Variants in GFPT1 observed in about 807,000 individuals in gnomAD.
GFPT1 encodes glutamine--fructose-6-phosphate aminotransferase [isomerizing] 1.
GFPT1 carries 40 observed loss-of-function variants against 92.0 expected under a neutral mutation model. The observed-to-expected ratio is 0.43, with a 90% CI of 0.34 to 0.57. The LOEUF (loss-of-function observed/expected upper bound fraction) is 0.57. Ranked by LOEUF, GFPT1 falls within the 20% of genes least tolerant of loss-of-function variation. The pLI, the probability that GFPT1 is intolerant of heterozygous loss-of-function variation, is 0.02. For synonymous variants in GFPT1, 269 were observed against 280.6 expected, an observed-to-expected ratio of 0.96 and a Z score of 0.41; for missense variants, 448 against 869.1, an observed-to-expected ratio of 0.52 and a Z score of 6.09.
At position 69,375,413 on chromosome 2, in the gene GFPT1, T is replaced by C. The variant is rs375662413; in HGVS notation, c.8-1300A>G. ...GTGATCCTACTGAAATATTTCAGTA[T>C]ACAAAAATGGCACATTGTTGATACC... is the stretch of plus-strand genomic sequence containing the variant. On this transcript the variant is annotated intron_variant, in intron 1 of 19. Transcript: ENST00000357308. Among the ~76,000 whole-genome samples the C allele has an allele frequency of 1.2e-3, 177 of 152,310 alleles. 1 individual carries two copies. The highest frequency in any genetic ancestry group is 3.8e-3 in the African/African-American group (160 of 41,570).
chr2:69,354,317 G>C lies in GFPT1; in HGVS notation c.686-5C>G. 3 of 1,588,234 alleles carry C rather than the reference G, an allele frequency of 1.9e-6. No individual in the cohort carries two copies. Among genetic ancestry groups the C allele is most frequent in the South Asian group, 1.1e-5 (1 of 89,736 alleles). On this transcript the variant is annotated splice_polypyrimidine_tract_variant and splice_region_variant and intron_variant, in intron 8 of 19. Transcript: ENST00000357308. ...TTGATCCAATCTGAGTCCTAGCTAA[G>C]GATACACAACAGAAAAAAATTCTAA...
At position 69,338,045 on chromosome 2, in the gene GFPT1, T is replaced by C. The variant is rs2104616321; in HGVS notation, c.1335A>G (p.Ala445=). The C allele has an allele frequency of 6.8e-6, 11 of 1,614,136 alleles. No individual in the cohort carries two copies. In the South Asian group the frequency reaches 1.1e-4, roughly 16 times the overall value. ...CFFLSQSGET[A]DTLMGLRYCK... is the part of the protein sequence containing the mutation. ...AGTAACGAAGACCCATCAAAGTATC[T>C]GCTGTCTCACCTGTGTAAAAAGTAG... is the stretch of plus-strand genomic sequence containing the variant. The change falls in exon 15 of 20, where the codon GCA becomes GCG. Residue 445 remains alanine, a synonymous_variant. Coordinates refer to ENST00000357308, the MANE Select transcript of GFPT1 (RefSeq NM_001244710.2).
chr2:69,325,914 C>A lies in GFPT1; in HGVS notation c.*275G>T. Reference sequence around the variant, plus strand: ...AAGTGGAGGGTCCAGAAATGCAACACCCAGCATTCTTTAAAGAAAATAATA... The same window carrying A: ...AAGTGGAGGGTCCAGAAATGCAACAACCAGCATTCTTTAAAGAAAATAATA... On this transcript the variant is annotated 3_prime_UTR_variant, in exon 20 of 20. Transcript: ENST00000357308. The A allele has an allele frequency of 2.7e-6, 1 of 371,124 alleles. No individual in the cohort carries two copies. Among genetic ancestry groups the A allele is most frequent in the African/African-American group, 2.1e-5 (1 of 47,956 alleles). 23.0% of individuals were successfully genotyped at this position (371,124 alleles called of 1,614,324 possible).
intron 1 of GFPT1, among the ~76,000 whole-genome samples, chr2:69,386,027 TA>T (rs370310082): frequency 0.078 from 10,925 of 140,268 alleles, 555 homozygotes; most frequent in African/African-American, 0.15. Context: ...TACTTCCCTT[TA>T]AAAAAAAAAA....
intron 11 of GFPT1, among the ~76,000 whole-genome samples, chr2:69,346,917 T>C (rs1671095909): frequency 6.6e-6 from 1 of 151,688 alleles, no homozygotes; most frequent in Non-Finnish European, 1.5e-5. Flanking sequence ...TTGTTTTGTT[T>C]TGTTTTGTTT....
intron 1 of GFPT1, among the ~76,000 whole-genome samples, chr2:69,380,404 G>A (rs370722281): frequency 1.8e-4 from 27 of 152,246 alleles, no homozygotes; most frequent in African/African-American, 6.0e-4. Context: ...AACATATGGA[G>A]TGAAACAATT....
chr2:69,329,334 C>T lies in GFPT1; in HGVS notation c.1688G>A (p.Arg563Gln). Residue 563 changes from arginine (R) to glutamine (Q), a missense_variant, in exon 17 of 20, where the codon CGA (arginine) becomes CAA (glutamine). Arg to Gln is a conservative substitution (Grantham distance 43). Transcript: ENST00000357308. ...AAGACAAGTAGCATAATGATAGCCTCGTCCCATTATCAGAACTGACTTCTG... is the reference window on the plus strand; with the variant it reads ...AAGACAAGTAGCATAATGATAGCCTTGTCCCATTATCAGAACTGACTTCTG... The part of the protein sequence containing the change: ...YHQKSVLIMG[R>Q]GYHYATCLEG... The T allele has an allele frequency of 6.2e-7, 1 of 1,613,094 alleles. No homozygotes were observed. Among genetic ancestry groups the T allele is most frequent in the Non-Finnish European group, 8.5e-7 (1 of 1,179,064 alleles).
intron 1 of GFPT1, among the ~76,000 whole-genome samples, chr2:69,380,340 T>A (rs1233359152): frequency 6.6e-6 from 1 of 152,044 alleles, no homozygotes; most frequent in Non-Finnish European, 1.5e-5. Flanking sequence ...AGACTCTGTC[T>A]CAAAAAAATA....
intron 16 of GFPT1, 123 bp from the exon 17 acceptor site, chr2:69,329,547 T>C: frequency 1.0e-6 from 1 of 955,382 alleles, no homozygotes; most frequent in Non-Finnish European, 1.7e-6. Flanking sequence ...TATGGGTATT[T>C]TTTTAATACA....
At chr2:69,383,609 T>C (rs1280174284) in intron 1 of GFPT1, among the ~76,000 whole-genome samples, 1 of 152,170 alleles carries the variant, frequency 6.6e-6, no homozygotes, top group African/African-American at 2.4e-5. Context: ...TCCATTTATT[T>C]ATTTATTTAT....
chr2:69,346,106 A>C, intron 11 of GFPT1, 107 bp from the exon 12 acceptor site: 1 of 726,764 alleles, frequency 1.4e-6, no homozygotes, highest in Non-Finnish European at 2.5e-6. Flanking sequence ...AAAATATAAC[A>C]AAAGTTCATG....
chr2:69,349,626 C>A (rs1558750854), intron 10 of GFPT1, among the ~76,000 whole-genome samples: 8 of 152,184 alleles, frequency 5.3e-5, no homozygotes, highest in Admixed American at 3.9e-4. Flanking sequence ...TAGTCTACTA[C>A]TATCCCTTTA....
At chr2:69,355,862 A>C (rs1671323535) in intron 7 of GFPT1, among the ~76,000 whole-genome samples, 1 of 152,220 alleles carries the variant, frequency 6.6e-6, no homozygotes, top group African/African-American at 2.4e-5. Context: ...GTTTCAAAAA[A>C]TACAGAAAAA....
chr2:69,351,457 A>C (rs769326147), intron 9 of GFPT1, among the ~76,000 whole-genome samples: 7 of 152,192 alleles, frequency 4.6e-5, no homozygotes, highest in African/African-American at 7.2e-5. Context: ...TACTTATAAA[A>C]ACTGCTATTT....
At position 69,338,213 on chromosome 2, in the gene GFPT1, T is replaced by C. The variant is rs10164798; in HGVS notation, c.1325-158A>G. 0.37 allele frequency among the ~76,000 whole-genome samples: 56,039 copies of C among 152,112 alleles called. 10,747 individuals carry two copies. Among genetic ancestry groups the C allele is most frequent in the Middle Eastern group, 0.44 (129 of 294 alleles). Reference sequence around the variant, plus strand: ...TAAATTTATAAAACTTTAAGTAATATGGCTTGTCAGGATCTCTCTTCCTTC... The same window carrying C: ...TAAATTTATAAAACTTTAAGTAATACGGCTTGTCAGGATCTCTCTTCCTTC... On this transcript the variant is annotated intron_variant, in intron 14 of 19. Transcript: ENST00000357308.
chr2:69,336,937 T>C (rs1275630823), intron 15 of GFPT1, among the ~76,000 whole-genome samples: 2 of 152,034 alleles, frequency 1.3e-5, no homozygotes, highest in East Asian at 3.8e-4. Flanking sequence ...AAGAGCAAAG[T>C]AGTCTTACCA....
At chr2:69,356,376 A>G (rs1037540572) in intron 7 of GFPT1, 120 bp downstream of exon 7, 28 of 788,760 alleles carry the variant, frequency 3.5e-5, no homozygotes, top group African/African-American at 1.0e-4. Flanking sequence ...ATATGCTCAC[A>G]TGAATATATC....
intron 15 of GFPT1, among the ~76,000 whole-genome samples, chr2:69,337,672 ATCAGG>A (rs1294066588): frequency 6.6e-6 from 1 of 152,224 alleles, no homozygotes; most frequent in African/African-American, 2.4e-5. Flanking sequence ...TTTAAACTCT[ATCAGG>A]AAGAGGGAGA....
intron 1 of GFPT1, among the ~76,000 whole-genome samples, chr2:69,384,227 G>A (rs1214442246): frequency 2.0e-5 from 3 of 152,024 alleles, no homozygotes; most frequent in East Asian, 1.9e-4. Flanking sequence ...ACATTACCAC[G>A]CGATTTAATA....
Sources: allele counts gnomAD v4.1 joint callset (sites outside exome capture counted in the v4.1 genomes callset), GRCh38; gene constraint gnomAD v4.1.1; transcripts MANE v1.5; gene names NCBI Gene and HGNC (gene_info 2026-07-23, HGNC 2026-07-21).